Variants in UBE2Q1 observed in about 807,000 individuals in gnomAD.
UBE2Q1 encodes the protein ubiquitin conjugating enzyme E2 Q1.
Under a neutral mutation model 60.1 loss-of-function variants are expected in UBE2Q1, and 6 were observed. The ratio of observed to expected loss-of-function variants is 0.10; its 90% CI spans 0.05 to 0.20. The LOEUF (loss-of-function observed/expected upper bound fraction) is 0.20, where lower values mean the gene tolerates loss of function less well. UBE2Q1 is among the 10% of genes least tolerant of loss of function. The pLI is 1.00. For synonymous variants in UBE2Q1, 226 were observed against 208.3 expected (o/e 1.09, Z -0.73); for missense variants, 262 against 525.8 (o/e 0.50, Z 4.91).
chr1:154,558,605 G>T lies in UBE2Q1; in HGVS notation c.-52C>A. 2 of 981,962 alleles carry T rather than the reference G, an allele frequency of 2.0e-6. No homozygotes were observed. Among genetic ancestry groups the T allele is most frequent in the Non-Finnish European group, 2.4e-6 (2 of 841,386 alleles). 60.8% of individuals were successfully genotyped at this position (981,962 alleles called of 1,614,324 possible). A position where few individuals can be genotyped will look rare whatever the true frequency, so the allele number is the denominator to read the frequency against. ...GGCGGGCCGGGAGCCTCCGGCCTGCGCTCCGGGCTCCGCCGCCGCCGCCGC... is the reference window on the plus strand; with the variant it reads ...GGCGGGCCGGGAGCCTCCGGCCTGCTCTCCGGGCTCCGCCGCCGCCGCCGC... On this transcript the variant is annotated 5_prime_UTR_variant, in exon 1 of 13. Coordinates refer to ENST00000292211, the MANE Select transcript of UBE2Q1 (RefSeq NM_017582.7).
intron 1 of UBE2Q1, 117 bp from the exon 2 acceptor site, chr1:154,556,081 TACAC>T (rs1695881768): frequency 3.2e-6 from 2 of 631,044 alleles, no homozygotes; most frequent in Non-Finnish European, 5.1e-6. Context: ...CCCCACCCCC[TACAC>T]ACACATAAAA....
chr1:154,555,289 G>A (rs903644195), intron 3 of UBE2Q1, 139 bp downstream of exon 3: 9 of 717,800 alleles, frequency 1.3e-5, no homozygotes, highest in Non-Finnish European at 1.7e-5. Context: ...GGAGAAGAAC[G>A]AGGGTGAGAG....
rs764645047 is a variant in UBE2Q1 at position 154,553,120 on chromosome 1, C to T, written c.641G>A (p.Gly214Asp). The T allele has an allele frequency of 6.2e-7, 1 of 1,613,990 alleles. No homozygotes were observed. Among genetic ancestry groups the T allele is most frequent in the East Asian group, 2.2e-5 (1 of 44,876 alleles). ...YEMKEEEPAE[G>D]KKSEDDGIGK... ...AATGCCATCATCTTCAGATTTCTTG[C>T]CCTCAGCTGGCTCTTCCTCTTTCAT... Residue 214 changes from glycine (G) to aspartate (D), a missense_variant, in exon 5 of 13, where the codon GGC (glycine) becomes GAC (aspartate). This residue lies in a region of UBE2Q1 where 111 missense variants were observed against 266.8 expected (regional missense o/e 0.42). Coordinates refer to ENST00000292211, the MANE Select transcript of UBE2Q1 (RefSeq NM_017582.7).
At chr1:154,553,215 A>G (rs1695822667) in intron 4 of UBE2Q1, 43 bp from the exon 5 acceptor site, 1 of 1,590,978 alleles carries the variant, frequency 6.3e-7, no homozygotes, top group Non-Finnish European at 8.5e-7. Flanking sequence ...AAGGAAAAAA[A>G]CCGACACAGG....
Position 154,558,641 on chromosome 1 carries a change from GCCGCC to G in UBE2Q1, c.-93_-89del. The G allele has an allele frequency of 1.0e-6, 1 of 993,066 alleles. No homozygotes were observed. Among genetic ancestry groups the G allele is most frequent in the Non-Finnish European group, 1.2e-6 (1 of 839,658 alleles). 61.5% of individuals were successfully genotyped at this position (993,066 alleles called of 1,614,324 possible). On this transcript the variant is annotated 5_prime_UTR_variant, in exon 1 of 13. Transcript: ENST00000292211. ...CGCCGCCGCCGCCGCCGCCGCCGCC[GCCGCC>G]GCGGTCCGCACTTCCTGATCCCCCC... is the stretch of plus-strand genomic sequence containing the variant.
At chr1:154,551,584 G>A in intron 10 of UBE2Q1, 92 bp from the exon 11 acceptor site, 1 of 1,492,290 alleles carries the variant, frequency 6.7e-7, no homozygotes, top group Non-Finnish European at 9.3e-7. Flanking sequence ...TGTGTCTATA[G>A]GAGGGCCCTT....
In UBE2Q1 at chr1:154,550,926, C is replaced by T. The variant is rs1489325818; in HGVS notation, c.1237+12G>A. ...AGTGTCCGAATCTCCTGAGTCCTGG[C>T]TCCAGCCTCACCGTTTTTTTCGTGG... is the stretch of plus-strand genomic sequence containing the variant. On this transcript the variant is annotated intron_variant, in intron 12 of 12. Coordinates refer to ENST00000292211, the MANE Select transcript of UBE2Q1 (RefSeq NM_017582.7). 6.2e-7 allele frequency: 1 copy of T among 1,614,110 alleles called. No homozygotes were observed. The highest frequency in any genetic ancestry group is 1.1e-5 in the South Asian group (1 of 91,076).
intron 3 of UBE2Q1, 67 bp from the exon 4 acceptor site, chr1:154,554,852 T>C (rs1695855154): frequency 9.6e-6 from 15 of 1,554,644 alleles, no homozygotes; most frequent in Non-Finnish European, 1.3e-5. Context: ...GCCTCCAACC[T>C]ACTCCCCTGA....
At chr1:154,552,710 C>T (rs765020687) in intron 6 of UBE2Q1, 26 bp downstream of exon 6, 10 of 1,609,246 alleles carry the variant, frequency 6.2e-6, no homozygotes, top group Non-Finnish European at 7.6e-6. Flanking sequence ...GACTCTTGTG[C>T]AGGCCCCTCT....
intron 3 of UBE2Q1, chr1:154,555,031 C>T (rs948821788): frequency 1.9e-6 from 1 of 539,814 alleles, no homozygotes; most frequent in Admixed American, 3.3e-5. Context: ...CTCTGTCACC[C>T]ACCTCCTAAA....
rs1695853611 is a variant in UBE2Q1 at position 154,554,794 on chromosome 1, A to G, written c.538-9T>C. 3.7e-6 allele frequency: 6 copies of G among 1,613,024 alleles called. No homozygotes were observed. The highest frequency in any genetic ancestry group is 5.1e-6 in the Non-Finnish European group (6 of 1,179,214). ...ACGTCTTCCTGTGTGCACTGCAGCA[A>G]GGAAGGGAAAGATGGAGATCAGAGC... On this transcript the variant is annotated splice_polypyrimidine_tract_variant and intron_variant, in intron 3 of 12. Coordinates refer to ENST00000292211, the MANE Select transcript of UBE2Q1 (RefSeq NM_017582.7).
rs1192072727 is a variant in UBE2Q1 at position 154,552,469 on chromosome 1, A to G, written c.815-5T>C. The G allele has an allele frequency of 6.2e-7, 1 of 1,614,072 alleles. No individual in the cohort carries two copies. Among genetic ancestry groups the G allele is most frequent in the Non-Finnish European group, 8.5e-7 (1 of 1,180,030 alleles). On this transcript the variant is annotated splice_region_variant and splice_polypyrimidine_tract_variant and intron_variant, in intron 6 of 12. Coordinates refer to ENST00000292211, the MANE Select transcript of UBE2Q1 (RefSeq NM_017582.7). ...CGAGTTCGACTGCATAGTTTCCTGG[A>G]AGGAGGGAAAAAACAGGTGTTAGTA...
intron 4 of UBE2Q1, among the ~76,000 whole-genome samples, chr1:154,554,079 C>T (rs1695842013): frequency 6.6e-6 from 1 of 152,184 alleles, no homozygotes; most frequent in Non-Finnish European, 1.5e-5. Context: ...AGGTTCTGTC[C>T]TAGGTGCCGC....
intron 1 of UBE2Q1, 111 bp from the exon 2 acceptor site, chr1:154,556,075 AC>A: frequency 2.9e-6 from 2 of 685,044 alleles, no homozygotes; most frequent in Non-Finnish European, 4.7e-6. Flanking sequence ...TCCCACCCCC[AC>A]CCCCTACACA....
chr1:154,558,613 C>T lies in UBE2Q1; in HGVS notation c.-60G>A. The stretch of plus-strand genomic sequence containing the variant: ...GGGAGCCTCCGGCCTGCGCTCCGGG[C>T]TCCGCCGCCGCCGCCGCCGCCGCCG... On this transcript the variant is annotated 5_prime_UTR_variant, in exon 1 of 13. Transcript: ENST00000292211. The T allele has an allele frequency of 2.1e-6, 2 of 930,486 alleles. No homozygotes were observed. Among genetic ancestry groups the T allele is most frequent in the Non-Finnish European group, 2.5e-6 (2 of 815,880 alleles). 57.6% of individuals were successfully genotyped at this position (930,486 alleles called of 1,614,324 possible). A position where few individuals can be genotyped will look rare whatever the true frequency, so the allele number is the denominator to read the frequency against.
chr1:154,555,789 C>G (rs979010665), intron 2 of UBE2Q1, 71 bp downstream of exon 2: 3 of 1,419,766 alleles, frequency 2.1e-6, no homozygotes, highest in Non-Finnish European at 3.0e-6. Context: ...TTCAGGATCC[C>G]TTTCACAGGA....
In UBE2Q1 at chr1:154,552,086, G is replaced by A; in HGVS notation, c.966+7C>T. On this transcript the variant is annotated splice_region_variant and intron_variant, in intron 8 of 12. Transcript: ENST00000292211. ...CAGAGGGAGAGACTGGAAAAGAAAA[G>A]TCTTACTTTAAAGGAAAAGTTAAGT... The A allele has an allele frequency of 1.2e-6, 2 of 1,614,156 alleles. No individual in the cohort carries two copies. Among genetic ancestry groups the A allele is most frequent in the Non-Finnish European group, 1.7e-6 (2 of 1,180,002 alleles).
intron 5 of UBE2Q1, 102 bp downstream of exon 5, chr1:154,552,930 A>T (rs1321932547): frequency 6.3e-7 from 1 of 1,587,894 alleles, no homozygotes. Context: ...AGGATTAGGC[A>T]CAAAAAAGGA....
intron 1 of UBE2Q1, among the ~76,000 whole-genome samples, chr1:154,556,471 T>C (rs769372902): frequency 7.9e-5 from 12 of 151,858 alleles, no homozygotes; most frequent in Non-Finnish European, 1.8e-4. Flanking sequence ...AACCCAAGAG[T>C]AAAAGGGTAC....
Sources: allele counts gnomAD v4.1 joint callset (sites outside exome capture counted in the v4.1 genomes callset), GRCh38; gene constraint gnomAD v4.1.1; regional missense constraint gnomAD v4.1.1; transcripts MANE v1.5; gene names NCBI Gene and HGNC (gene_info 2026-07-23, HGNC 2026-07-21).